SASH1: variants seen among roughly 807,000 people sequenced by gnomAD.
SASH1 encodes the protein SAM and SH3 domain-containing protein 1.
SASH1 carries 44 observed loss-of-function variants against 125.2 expected under a neutral mutation model. The ratio of observed to expected loss-of-function variants is 0.35; its 90% CI spans 0.28 to 0.45. The LOEUF (loss-of-function observed/expected upper bound fraction) is 0.45. SASH1 is among the 20% of genes least tolerant of loss of function. The pLI is 1.00. For missense variants in SASH1, 1,426 were observed against 1,614.5 expected (o/e 0.88, Z 2.00); for synonymous variants, 639 against 649.1 (o/e 0.98, Z 0.24).
chr6:148,215,184 A>G, the SASH1 span, among the ~76,000 whole-genome samples: 1 of 152,118 alleles, frequency 6.6e-6, no homozygotes, highest in African/African-American at 2.4e-5. Context: ...AGGGCCACTC[A>G]CCTAGCTTTA....
rs1554245333 is a variant in SASH1 at position 148,368,770 on chromosome 6, G to GCACGCACACACACACA, written c.157-21361_157-21360insGCACACACACACACAC. Among the ~76,000 whole-genome samples, 50 of 135,690 alleles carry GCACGCACACACACACA rather than the reference G, an allele frequency of 3.7e-4. 1 individual carries two copies. Among genetic ancestry groups the GCACGCACACACACACA allele is most frequent in the African/African-American group, 9.9e-4 (37 of 37,522 alleles). The allele number at this position is 135,690 out of a possible 152,430, so 89.0% of individuals were successfully genotyped here. A position where few individuals can be genotyped will look rare whatever the true frequency, so the allele number is the denominator to read the frequency against. Reference sequence around the variant, plus strand: ...CCCCCACATGCGCGCGCACGCGCGCGCACACACACACACACACACACACAC... The same window carrying GCACGCACACACACACA: ...CCCCCACATGCGCGCGCACGCGCGCGCACGCACACACACACACACACACACACACACACACACACAC... On this transcript the variant is annotated intron_variant, in intron 1 of 19. Coordinates refer to ENST00000367467, the MANE Select transcript of SASH1 (RefSeq NM_015278.5).
chr6:148,512,007 T>TTATTTATTTATTTATTTATC (rs1200967887), intron 8 of SASH1, among the ~76,000 whole-genome samples: 9 of 122,700 alleles, frequency 7.3e-5, no homozygotes, highest in African/African-American at 2.1e-4. Flanking sequence ...ATTTCAACAT[T>TTATTTATTTATTTATTTATC]TATTTATTTA....
chr6:148,320,547 C>T (rs919139651), intron 1 of SASH1, among the ~76,000 whole-genome samples: 4 of 152,234 alleles, frequency 2.6e-5, no homozygotes, highest in African/African-American at 9.6e-5. Flanking sequence ...ATTACCATCC[C>T]AAAGAGGACA....
At chr6:148,236,671 G>C in the SASH1 span, among the ~76,000 whole-genome samples, 2 of 152,186 alleles carry the variant, frequency 1.3e-5, no homozygotes, top group African/African-American at 4.8e-5. Context: ...TACACTAACA[G>C]TGTGGTCAGG....
intron 2 of SASH1, among the ~76,000 whole-genome samples, chr6:148,421,201 GAAAGAAAGAAAGAA>G (rs780633327): frequency 0.011 from 1,574 of 141,160 alleles, 23 homozygotes; most frequent in Non-Finnish European, 0.016. Context: ...AAGAAAGAAA[GAAAGAAAGAAAGAA>G]AAAGAAAGAA....
intron 1 of SASH1, among the ~76,000 whole-genome samples, chr6:148,282,716 G>A (rs1008445338): frequency 6.6e-6 from 1 of 151,774 alleles, no homozygotes; most frequent in Non-Finnish European, 1.5e-5. Flanking sequence ...CTGTCTTGGG[G>A]AATCAAACTG....
At position 148,529,857 on chromosome 6, in the gene SASH1, A is replaced by T. The variant is rs563093172; in HGVS notation, c.1429-1669A>T. 1.3e-5 allele frequency among the ~76,000 whole-genome samples: 2 copies of T among 151,354 alleles called. No individual in the cohort carries two copies. The highest frequency in any genetic ancestry group is 2.9e-5 in the Non-Finnish European group (2 of 67,882). ...AGTGTCACTCTGTCACCCAGGCTGG[A>T]GTGCAATGGTGTGGCCTCGGCTTAC... On this transcript the variant is annotated intron_variant, in intron 12 of 19. Transcript: ENST00000367467. This position sits in a 1 kb window ranked among gnomAD's most constrained non-coding sequence, Gnocchi z 4.2.
At chr6:148,380,849 C>T (rs1006168128) in intron 1 of SASH1, among the ~76,000 whole-genome samples, 12 of 152,254 alleles carry the variant, frequency 7.9e-5, no homozygotes, top group Non-Finnish European at 1.5e-4. Context: ...ATGACTTAAC[C>T]GTATGACTGC....
intron 1 of SASH1, among the ~76,000 whole-genome samples, chr6:148,317,630 T>A (rs1780515041): frequency 6.6e-6 from 1 of 152,184 alleles, no homozygotes; most frequent in Non-Finnish European, 1.5e-5. Flanking sequence ...TTTCACCATG[T>A]TGGCCAGGAT....
At chr6:148,350,926 A>G (rs972273934) in intron 1 of SASH1, among the ~76,000 whole-genome samples, 3 of 152,244 alleles carry the variant, frequency 2.0e-5, no homozygotes, top group Non-Finnish European at 2.9e-5. Flanking sequence ...TGAAAATGGT[A>G]GGTCTCTTCC....
At chr6:148,425,043 T>A (rs1483392048) in intron 2 of SASH1, among the ~76,000 whole-genome samples, 1 of 152,018 alleles carries the variant, frequency 6.6e-6, no homozygotes, top group Admixed American at 6.6e-5. Context: ...GTACACAGGA[T>A]GGGTGATGTG....
At chr6:148,232,094 G>A in the SASH1 span, among the ~76,000 whole-genome samples, 6 of 152,118 alleles carry the variant, frequency 3.9e-5, no homozygotes, top group South Asian at 4.1e-4. Context: ...GCTCTTACTC[G>A]GTATGATCTG....
At chr6:148,199,973 A>G in the SASH1 span, among the ~76,000 whole-genome samples, 535 of 152,294 alleles carry the variant, frequency 3.5e-3, 3 homozygotes, top group African/African-American at 0.012. Context: ...TCACCCTGAG[A>G]GCCAGAATCT....
intron 1 of SASH1, among the ~76,000 whole-genome samples, chr6:148,279,327 C>T (rs1779274115): frequency 6.6e-6 from 1 of 152,158 alleles, no homozygotes; most frequent in African/African-American, 2.4e-5. Flanking sequence ...ATTTAGGCCA[C>T]CTGGCTACTT....
chr6:148,360,772 C>T (rs1308045558), intron 1 of SASH1, among the ~76,000 whole-genome samples: 3 of 152,190 alleles, frequency 2.0e-5, no homozygotes, highest in Admixed American at 1.3e-4. Context: ...GTGTTAAACA[C>T]TATACTAAGC....
intron 9 of SASH1, among the ~76,000 whole-genome samples, chr6:148,515,083 A>T (rs957069960): frequency 2.0e-5 from 3 of 152,202 alleles, no homozygotes; most frequent in African/African-American, 4.8e-5. Flanking sequence ...TTAGCCTTTG[A>T]CATATAATTA....
intron 8 of SASH1, among the ~76,000 whole-genome samples, chr6:148,497,808 G>T (rs902502352): frequency 1.3e-5 from 2 of 152,122 alleles, no homozygotes; most frequent in African/African-American, 4.8e-5. Flanking sequence ...TGGGTTTAAG[G>T]GTGGGTCTGG....
At chr6:148,209,422 A>G in the SASH1 span, among the ~76,000 whole-genome samples, 2 of 152,236 alleles carry the variant, frequency 1.3e-5, no homozygotes, top group African/African-American at 4.8e-5. Flanking sequence ...ATTGAATAAA[A>G]TAAAGAGGGA....
rs114050623 is a variant in SASH1, at chr6:148,414,240, G to T, written c.285+23978G>T. On this transcript the variant is annotated intron_variant, in intron 2 of 19. Transcript: ENST00000367467. ...ACAGTCAGAAAAAATATAATGGGAA[G>T]AATTTCTGGCGTGTTCCCATATGTA... Among the ~76,000 whole-genome samples the T allele has an allele frequency of 7.1e-3, 1,086 of 152,168 alleles. 11 individuals are homozygous for T. The highest frequency in any genetic ancestry group is 0.025 in the African/African-American group (1,022 of 41,502).
Sources: allele counts gnomAD v4.1 joint callset (sites outside exome capture counted in the v4.1 genomes callset), GRCh38; gene constraint gnomAD v4.1.1; non-coding constraint Gnocchi (gnomAD v3.1); transcripts MANE v1.5; gene names NCBI Gene and HGNC (gene_info 2026-07-23, HGNC 2026-07-21).